Variants in LINGO1 observed in about 807,000 individuals in gnomAD.
LINGO1 encodes leucine-rich repeat and immunoglobulin-like domain-containing nogo receptor-interacting protein 1.
A neutral mutation model predicts 37.3 loss-of-function variants in LINGO1; 11 were observed. That is an observed-to-expected ratio of 0.29 (90% CI 0.19 to 0.49). The LOEUF (loss-of-function observed/expected upper bound fraction) is 0.49. LINGO1 is among the 20% of genes least tolerant of loss of function. The probability of loss-of-function intolerance (pLI) is 0.99; values close to 1 mark genes in which losing one functional copy is unlikely to be tolerated. For synonymous variants in LINGO1, 387 were observed against 403.0 expected (o/e 0.96, Z 0.48); for missense variants, 585 against 878.2 (o/e 0.67, Z 4.22).
intron 1 of LINGO1, among the ~76,000 whole-genome samples, chr15:77,760,157 T>C (rs1303532876): frequency 6.6e-6 from 1 of 152,162 alleles, no homozygotes; most frequent in East Asian, 1.9e-4. Context: ...ACACACCTGA[T>C]GACTCTCTCC....
intron 1 of LINGO1, among the ~76,000 whole-genome samples, chr15:77,757,922 G>A (rs368028640): frequency 1.3e-5 from 2 of 152,316 alleles, no homozygotes; most frequent in East Asian, 1.9e-4. Flanking sequence ...GCCTTTCCCT[G>A]CCTCGGCTGT....
chr15:77,676,722 C>G (rs915367097), intron 3 of LINGO1, among the ~76,000 whole-genome samples: 1 of 152,226 alleles, frequency 6.6e-6, no homozygotes, highest in Non-Finnish European at 1.5e-5. Flanking sequence ...CCTCCTACAG[C>G]CAAGGCACTC....
rs866264160 is a variant in LINGO1 at position 77,632,339 on chromosome 15, C to G, written c.-24G>C. On this transcript the variant is annotated 5_prime_UTR_variant, in exon 1 of 2. Coordinates refer to ENST00000355300, the MANE Select transcript of LINGO1 (RefSeq NM_032808.7). This position sits in a 1 kb window ranked among gnomAD's most constrained non-coding sequence, Gnocchi z 6.0. The stretch of plus-strand genomic sequence containing the variant: ...ATCTCGGGCGCGCCTTCGGTCCGCT[C>G]GGCTCGGTCACCAATCGCATGTCTC... 9 of 1,432,956 alleles carry G rather than the reference C, an allele frequency of 6.3e-6. No homozygotes were observed. The Middle Eastern group carries it at 1.5e-3, about 247-fold the overall frequency. The allele number at this position is 1,432,956 out of a possible 1,614,324, so 88.8% of individuals were successfully genotyped here. A position where few individuals can be genotyped will look rare whatever the true frequency, so the allele number is the denominator to read the frequency against.
chr15:77,658,378 C>G (rs1374525751), intron 3 of LINGO1, among the ~76,000 whole-genome samples: 5 of 152,236 alleles, frequency 3.3e-5, no homozygotes, highest in African/African-American at 1.2e-4. Flanking sequence ...TGTGTACACA[C>G]TTCACCCATT....
chr15:77,741,474 G>C (rs2076263729), intron 1 of LINGO1, among the ~76,000 whole-genome samples: 2 of 152,148 alleles, frequency 1.3e-5, no homozygotes, highest in Non-Finnish European at 2.9e-5. Flanking sequence ...TCTTGCCCCA[G>C]GAAGGCCCCT....
intron 3 of LINGO1, among the ~76,000 whole-genome samples, chr15:77,662,801 A>G: frequency 6.6e-6 from 1 of 152,234 alleles, no homozygotes; most frequent in East Asian, 1.9e-4. Context: ...GGTCACACGC[A>G]GGCACACACA....
intron 1 of LINGO1, among the ~76,000 whole-genome samples, chr15:77,630,828 G>C (rs979157017): frequency 6.6e-6 from 1 of 152,202 alleles, no homozygotes; most frequent in Admixed American, 6.5e-5. Flanking sequence ...GATCCCCGAT[G>C]TGAGTCTGTG....
chr15:77,750,792 T>C (rs1460032860), intron 1 of LINGO1, among the ~76,000 whole-genome samples: 7 of 152,188 alleles, frequency 4.6e-5, no homozygotes, highest in South Asian at 2.1e-4. Flanking sequence ...ATCCACACAA[T>C]GACATTTATC....
At chr15:77,764,266 T>C (rs769663879) in intron 1 of LINGO1, among the ~76,000 whole-genome samples, 4 of 152,196 alleles carry the variant, frequency 2.6e-5, no homozygotes, top group Non-Finnish European at 4.4e-5. Context: ...AATTTAGCCA[T>C]ATACATCAAG....
At chr15:77,740,328 C>T (rs772845494) in intron 1 of LINGO1, among the ~76,000 whole-genome samples, 82 of 152,186 alleles carry the variant, frequency 5.4e-4, no homozygotes, top group Non-Finnish European at 5.6e-4. Flanking sequence ...GGTGCTCTGC[C>T]TGCAGAAAAA....
chr15:77,793,481 C>A (rs1301567145), intron 2 of LINGO1, among the ~76,000 whole-genome samples: 1 of 152,222 alleles, frequency 6.6e-6, no homozygotes, highest in African/African-American at 2.4e-5. Context: ...CCTGGCCCTG[C>A]CACTCCCCAG....
intron 2 of LINGO1, among the ~76,000 whole-genome samples, chr15:77,712,616 A>T (rs62009156): frequency 2.7e-5 from 4 of 150,514 alleles, no homozygotes; most frequent in Non-Finnish European, 5.9e-5. Flanking sequence ...TCACCTCCCC[A>T]CTCTCCAACC....
chr15:77,661,400 G>C (rs2074990193), intron 3 of LINGO1, among the ~76,000 whole-genome samples: 1 of 152,234 alleles, frequency 6.6e-6, no homozygotes, highest in African/African-American at 2.4e-5. Flanking sequence ...GCTACTCCCA[G>C]CTCTGCCTCA....
At chr15:77,784,227 C>G (rs1197589874) in intron 1 of LINGO1, among the ~76,000 whole-genome samples, 1 of 152,250 alleles carries the variant, frequency 6.6e-6, no homozygotes, top group African/African-American at 2.4e-5. Context: ...TGGCCTCCAG[C>G]CAGCACCTTC....
At chr15:77,646,896 C>T (rs1026104400) in intron 3 of LINGO1, among the ~76,000 whole-genome samples, 1 of 152,176 alleles carries the variant, frequency 6.6e-6, no homozygotes, top group African/African-American at 2.4e-5. Context: ...AGAATCTAGG[C>T]ATTTACTCAT....
chr15:77,678,344 GC>G (rs1212424405), intron 2 of LINGO1, among the ~76,000 whole-genome samples: 1 of 152,092 alleles, frequency 6.6e-6, no homozygotes, highest in African/African-American at 2.4e-5. Flanking sequence ...ACTCCTCCCA[GC>G]CCCTACCCCT....
intron 3 of LINGO1, among the ~76,000 whole-genome samples, chr15:77,664,174 C>CGCGCAT (rs1555527604): frequency 2.0e-5 from 2 of 100,380 alleles, no homozygotes; most frequent in African/African-American, 7.4e-5. Context: ...TGTGTGTGCG[C>CGCGCAT]GCGCGCATGC....
At chr15:77,629,024 T>C (rs996645678) in intron 1 of LINGO1, among the ~76,000 whole-genome samples, 2 of 152,254 alleles carry the variant, frequency 1.3e-5, no homozygotes, top group Non-Finnish European at 2.9e-5. Flanking sequence ...GCACACCTAA[T>C]TGTCACGACC....
At chr15:77,657,043 TA>T (rs1050260991) in intron 3 of LINGO1, among the ~76,000 whole-genome samples, 1 of 152,214 alleles carries the variant, frequency 6.6e-6, no homozygotes, top group Admixed American at 6.5e-5. Flanking sequence ...GGGCAGCTCC[TA>T]CCAGCTGTGT....
Sources: allele counts gnomAD v4.1 joint callset (sites outside exome capture counted in the v4.1 genomes callset), GRCh38; gene constraint gnomAD v4.1.1; non-coding constraint Gnocchi (gnomAD v3.1); transcripts MANE v1.5; gene names NCBI Gene and HGNC (gene_info 2026-07-23, HGNC 2026-07-21).